PDE8B: variants seen among roughly 807,000 people sequenced by gnomAD.
The protein encoded by PDE8B is high affinity cAMP-specific and IBMX-insensitive 3',5'-cyclic phosphodiesterase 8B.
A neutral mutation model predicts 101.3 loss-of-function variants in PDE8B; 26 were observed. That is an observed-to-expected ratio of 0.26 (90% CI 0.19 to 0.36). The LOEUF is 0.36. PDE8B is among the 10% of genes least tolerant of loss of function. The pLI is 1.00. For synonymous variants in PDE8B, 424 were observed against 429.3 expected (o/e 0.99, Z 0.15); for missense variants, 810 against 1,163.1 (o/e 0.70, Z 4.42).
At chr5:77,382,203 G>C (rs1272422681) in intron 10 of PDE8B, among the ~76,000 whole-genome samples, 1 of 152,090 alleles carries the variant, frequency 6.6e-6, no homozygotes, top group Admixed American at 6.6e-5. Context: ...CATGTTGCTT[G>C]ATCATATAAC....
intron 1 of PDE8B, among the ~76,000 whole-genome samples, chr5:77,249,925 A>T (rs1757725702): frequency 6.6e-6 from 1 of 152,254 alleles, no homozygotes; most frequent in Admixed American, 6.5e-5. Context: ...AGTCGATGCA[A>T]GCCTCGTACA....
intron 1 of PDE8B, among the ~76,000 whole-genome samples, chr5:77,268,558 A>G (rs1430194880): frequency 1.3e-5 from 2 of 149,976 alleles, no homozygotes; most frequent in Admixed American, 1.3e-4. Flanking sequence ...CTCTGTCTCT[A>G]TGAATTCAAT....
At chr5:77,276,900 G>T (rs998138683) in intron 1 of PDE8B, among the ~76,000 whole-genome samples, 2 of 152,126 alleles carry the variant, frequency 1.3e-5, no homozygotes, top group Non-Finnish European at 2.9e-5. Flanking sequence ...TTTTCTGTGA[G>T]CCCAGAGGGA....
intron 1 of PDE8B, among the ~76,000 whole-genome samples, chr5:77,215,000 G>C (rs1013046569): frequency 2.0e-5 from 3 of 152,184 alleles, no homozygotes; most frequent in Non-Finnish European, 2.9e-5. Context: ...GTACCACACT[G>C]TCTTTATCTG....
At chr5:77,362,843 C>T (rs756616076) in intron 10 of PDE8B, among the ~76,000 whole-genome samples, 15 of 152,178 alleles carry the variant, frequency 9.9e-5, no homozygotes, top group Non-Finnish European at 2.1e-4. Context: ...TCCCCTGAGC[C>T]AGGTCAGGAG....
At chr5:77,141,278 T>C in the PDE8B span, 2 of 152,164 alleles carry the variant, frequency 1.3e-5, no homozygotes, top group African/African-American at 4.8e-5. Context: ...TCTAATACTA[T>C]AAACAAGGTA....
chr5:77,378,623 C>A (rs34093656), intron 10 of PDE8B, among the ~76,000 whole-genome samples: 28,212 of 152,066 alleles, frequency 0.19, 3,328 homozygotes, highest in Middle Eastern at 0.32. Context: ...AGAGAGCTTG[C>A]GAGTCAGTAG....
chr5:77,210,485 G>T, upstream of PDE8B: 1 of 309,304 alleles, frequency 3.2e-6, no homozygotes. This position sits in a 1 kb window ranked among gnomAD's most constrained non-coding sequence, Gnocchi z 4.9. Context: ...GACCGAAAGT[G>T]GGGAAAGAAG....
Position 77,255,001 on chromosome 5 carries a change from C to G in PDE8B, c.339+43737C>G, listed in dbSNP as rs747389583. ...CTTTCGTTTCTGTTGCTTGCTTTTT[C>G]TTTTCCTCCTTTCACCATCAAGCAT... On this transcript the variant is annotated intron_variant, in intron 1 of 21. Coordinates refer to ENST00000264917, the MANE Select transcript of PDE8B (RefSeq NM_003719.5). Among the ~76,000 whole-genome samples the G allele has an allele frequency of 2.6e-4, 40 of 152,096 alleles. 1 individual carries two copies. Among genetic ancestry groups the G allele is most frequent in the Non-Finnish European group, 7.4e-5 (5 of 68,012 alleles).
At chr5:77,152,639 G>A in the PDE8B span, among the ~76,000 whole-genome samples, 1 of 152,180 alleles carries the variant, frequency 6.6e-6, no homozygotes, top group South Asian at 2.1e-4. Flanking sequence ...TGTTAACAAA[G>A]CTCATTTAGA....
chr5:77,296,516 G>A (rs1294852137), intron 1 of PDE8B, among the ~76,000 whole-genome samples: 3 of 152,162 alleles, frequency 2.0e-5, no homozygotes, highest in Non-Finnish European at 4.4e-5. Context: ...GGGATTATAA[G>A]TGTGAGCCAC....
chr5:77,345,684 T>C (rs1780011759), intron 7 of PDE8B, among the ~76,000 whole-genome samples: 1 of 152,224 alleles, frequency 6.6e-6, no homozygotes, highest in African/African-American at 2.4e-5. Flanking sequence ...AATGAGGTGT[T>C]CTTATTATAA....
At chr5:77,424,829 TTTTG>T (rs1797625287) in intron 20 of PDE8B, among the ~76,000 whole-genome samples, 4 of 150,782 alleles carry the variant, frequency 2.7e-5, no homozygotes, top group South Asian at 2.1e-4. Flanking sequence ...GTTTTTTGTT[TTTTG>T]TTTTTAATGT....
At chr5:77,394,763 A>G (rs1790655681) in intron 10 of PDE8B, among the ~76,000 whole-genome samples, 1 of 152,176 alleles carries the variant, frequency 6.6e-6, no homozygotes, top group African/African-American at 2.4e-5. Context: ...ATCAGCCCTT[A>G]CATTTTTATG....
chr5:77,250,922 C>T (rs972707078), intron 1 of PDE8B, among the ~76,000 whole-genome samples: 1 of 152,220 alleles, frequency 6.6e-6, no homozygotes, highest in African/African-American at 2.4e-5. Flanking sequence ...CTTTGTAGAT[C>T]AGGTTATAAA....
chr5:77,414,267 G>A (rs1206985153), intron 17 of PDE8B, among the ~76,000 whole-genome samples: 1 of 152,122 alleles, frequency 6.6e-6, no homozygotes, highest in Non-Finnish European at 1.5e-5. Context: ...CATCAGCAAG[G>A]AAACAATGTG....
the PDE8B span, among the ~76,000 whole-genome samples, chr5:77,188,205 T>C: frequency 6.6e-6 from 1 of 152,230 alleles, no homozygotes; most frequent in Non-Finnish European, 1.5e-5. Flanking sequence ...CTAAGAGTAC[T>C]TTAGAAAGTT....
At position 77,412,160 on chromosome 5, in the gene PDE8B, G is replaced by A. The variant is rs1794693567; in HGVS notation, c.1637G>A (p.Cys546Tyr). Residue 546 changes from cysteine to tyrosine, a missense_variant, in exon 16 of 22, where the codon TGT becomes TAT. Coordinates refer to ENST00000264917, the MANE Select transcript of PDE8B (RefSeq NM_003719.5). ...MPITINDVPP[C>Y]ISQLLDNEES... ...ATAACCATCAATGATGTTCCCCCTT[G>A]TATCTCTCAATTACTTGATAATGAG... 2 of 1,613,712 alleles carry A rather than the reference G, an allele frequency of 1.2e-6. No homozygotes were observed. The highest frequency in any genetic ancestry group is 1.7e-6 in the Non-Finnish European group (2 of 1,179,668).
the PDE8B span, among the ~76,000 whole-genome samples, chr5:77,168,203 C>T: frequency 6.6e-6 from 1 of 152,152 alleles, no homozygotes; most frequent in Non-Finnish European, 1.5e-5. Flanking sequence ...CCTTGAATTA[C>T]TAAATTAACT....
Sources: allele counts gnomAD v4.1 joint callset (sites outside exome capture counted in the v4.1 genomes callset), GRCh38; gene constraint gnomAD v4.1.1; non-coding constraint Gnocchi (gnomAD v3.1); transcripts MANE v1.5; gene names NCBI Gene and HGNC (gene_info 2026-07-23, HGNC 2026-07-21).